Variants in ENO1 observed in about 807,000 individuals in gnomAD.
The protein encoded by ENO1 is alpha-enolase.
A neutral mutation model predicts 46.3 loss-of-function variants in ENO1; 33 were observed. The ratio of observed to expected loss-of-function variants is 0.71; its 90% confidence interval spans 0.54 to 0.95. The LOEUF (loss-of-function observed/expected upper bound fraction) is 0.95. Ranked by LOEUF, ENO1 falls within the 40% of genes least tolerant of loss-of-function variation. The pLI is 0.00. For missense variants in ENO1, 488 were observed against 553.3 expected (o/e 0.88, Z 1.18); for synonymous variants, 220 against 216.0 (o/e 1.02, Z -0.16).
intron 9 of ENO1, 89 bp downstream of exon 9, chr1:8,863,802 C>A: frequency 7.1e-7 from 1 of 1,407,160 alleles, no homozygotes. Flanking sequence ...TTCTGGCCAG[C>A]AGGATTCCCC....
chr1:8,872,085 G>A, intron 2 of ENO1, 99 bp from the exon 3 acceptor site: 1 of 985,690 alleles, frequency 1.0e-6, no homozygotes, highest in Non-Finnish European at 1.6e-6. Flanking sequence ...TCATTAGGGA[G>A]CTGTTTCTTC....
intron 11 of ENO1, among the ~76,000 whole-genome samples, chr1:8,862,068 A>G (rs1642416968): frequency 6.6e-6 from 1 of 152,022 alleles, no homozygotes; most frequent in Non-Finnish European, 1.5e-5. Flanking sequence ...GAATTGCTTG[A>G]ATCTGGGAGG....
chr1:8,871,273 G>C, intron 3 of ENO1: 1 of 1,005,180 alleles, frequency 9.9e-7, no homozygotes. Context: ...GCCCCACTGA[G>C]AATGCGTGAT....
chr1:8,869,018 A>G (rs1389571596), intron 4 of ENO1, among the ~76,000 whole-genome samples: 1 of 152,194 alleles, frequency 6.6e-6, no homozygotes. Context: ...AAACTAATAT[A>G]TTAATAACAA....
chr1:8,863,184 C>G (rs1346744583), intron 10 of ENO1, 51 bp downstream of exon 10: 6 of 1,599,814 alleles, frequency 3.8e-6, no homozygotes, highest in Non-Finnish European at 5.1e-6. Flanking sequence ...GGTTTTGGGT[C>G]TTCCTAGGAA....
chr1:8,867,351 C>T (rs770003428), intron 5 of ENO1, 101 bp from the exon 6 acceptor site: 11 of 1,448,690 alleles, frequency 7.6e-6, no homozygotes, highest in African/African-American at 2.8e-5. Flanking sequence ...CATCTCCTCC[C>T]CCATCACACC....
intron 3 of ENO1, 38 bp downstream of exon 3, chr1:8,871,853 A>C (rs1238143273): frequency 6.2e-7 from 1 of 1,602,446 alleles, no homozygotes; most frequent in African/African-American, 1.3e-5. Context: ...ATGGGGCTGG[A>C]AGCAGGGAGG....
chr1:8,872,119 A>G lies in ENO1; in HGVS notation c.86-133T>C, dbSNP rs549037384. 3.5e-4 allele frequency: 252 copies of G among 711,020 alleles called. 1 individual carries two copies. Among genetic ancestry groups the G allele is most frequent in the Middle Eastern group, 1.7e-3 (7 of 4,216 alleles). The allele number at this position is 711,020 out of a possible 1,614,324, so 44.0% of individuals were successfully genotyped here. On this transcript the variant is annotated intron_variant, in intron 2 of 11. Coordinates refer to ENST00000234590, the MANE Select transcript of ENO1 (RefSeq NM_001428.5). ...TCCTCCTACCAGCTGTGTGAATTAA[A>G]CGCTCTGGGCTGTTCTTCATGCCTT...
intron 8 of ENO1, among the ~76,000 whole-genome samples, chr1:8,864,890 GTC>G (rs1231859653): frequency 6.6e-6 from 1 of 152,192 alleles, no homozygotes; most frequent in Non-Finnish European, 1.5e-5. Context: ...GGTGGTCACA[GTC>G]TCTATCCTGT....
rs1302274309 is a variant in ENO1, at chr1:8,867,922, A to T, written c.310+66T>A. 4.3e-6 allele frequency: 6 copies of T among 1,409,746 alleles called. No individual in the cohort carries two copies. The East Asian group carries it at 1.4e-4, about 32-fold the overall frequency. 87.3% of individuals were successfully genotyped at this position (1,409,746 alleles called of 1,614,324 possible). Reference sequence around the variant, plus strand: ...CTAAGATCATGGGCCTCTTCCTGAAAGGTTTTAAAATCTTCAGGAGACTTC... The same window carrying T: ...CTAAGATCATGGGCCTCTTCCTGAATGGTTTTAAAATCTTCAGGAGACTTC... On this transcript the variant is annotated intron_variant, in intron 5 of 11. Transcript: ENST00000234590.
At position 8,874,840 on chromosome 1, in the gene ENO1, A is replaced by G; in HGVS notation, c.69T>C (p.Asp23=). The change falls in exon 2 of 12, where the codon GAT becomes GAC. Residue 23 remains aspartate, a synonymous_variant. Coordinates refer to ENST00000234590, the MANE Select transcript of ENO1 (RefSeq NM_001428.5). ...DSRGNPTVEV[D]LFTSKGLFRA... ...GGCACATACCTTTTGAGGTGAAGAG[A>G]TCAACCTCAACAGTGGGATTCCCGC... The G allele has an allele frequency of 6.2e-7, 1 of 1,613,658 alleles. No individual in the cohort carries two copies. The highest frequency in any genetic ancestry group is 8.5e-7 in the Non-Finnish European group (1 of 1,179,748).
rs1349134345 is a variant in ENO1, at chr1:8,870,650, T to C, written c.182-140A>G. On this transcript the variant is annotated intron_variant, in intron 3 of 11. Transcript: ENST00000234590. ...GTGGGACCTCTTCCCCCTCTCCCCTTTCCCCCCAGAATCGGAGGACTTTCC... is the reference window on the plus strand; with the variant it reads ...GTGGGACCTCTTCCCCCTCTCCCCTCTCCCCCCAGAATCGGAGGACTTTCC... 15 of 1,503,478 alleles carry C rather than the reference T, an allele frequency of 1.0e-5. No homozygotes were observed. The Admixed American group carries it at 1.0e-4, about 10-fold the overall frequency. 93.1% of individuals were successfully genotyped at this position (1,503,478 alleles called of 1,614,324 possible).
rs1642394156 is a variant in ENO1 at position 8,861,217 on chromosome 1, G to A, written c.*143C>T. ...TGGCTTCTGTAGAAGTTCTAAGGAA[G>A]CGGTACGAACTCCACGGCGGTGGGG... On this transcript the variant is annotated 3_prime_UTR_variant, in exon 12 of 12. Transcript: ENST00000234590. 1.3e-6 allele frequency: 1 copy of A among 758,204 alleles called. No individual in the cohort carries two copies. The highest frequency in any genetic ancestry group is 2.1e-6 in the Non-Finnish European group (1 of 471,040). The allele number at this position is 758,204 out of a possible 1,614,324, so 47.0% of individuals were successfully genotyped here.
At chr1:8,874,178 C>T (rs3820037) in intron 2 of ENO1, among the ~76,000 whole-genome samples, 116,656 of 152,142 alleles carry the variant, frequency 0.77, 45,363 homozygotes, top group East Asian at 0.94. Flanking sequence ...AAGCTGTCAG[C>T]CAACAACTAG....
chr1:8,872,057 C>T (rs549805949), intron 2 of ENO1, 71 bp from the exon 3 acceptor site: 53 of 1,306,106 alleles, frequency 4.1e-5, no homozygotes, highest in Non-Finnish European at 5.5e-5. Context: ...AGTCCCCTCC[C>T]GCCCACAGAT....
intron 9 of ENO1, among the ~76,000 whole-genome samples, chr1:8,863,550 T>C (rs1642448186): frequency 6.6e-6 from 1 of 152,194 alleles, no homozygotes; most frequent in Non-Finnish European, 1.5e-5. Context: ...TTAGCCCTCC[T>C]GTCATAGTTG....
At position 8,863,339 on chromosome 1, in the gene ENO1, T is replaced by C. The variant is rs1642444371; in HGVS notation, c.1072A>G (p.Lys358Glu). 5 of 1,612,440 alleles carry C rather than the reference T, an allele frequency of 3.1e-6. No individual in the cohort carries two copies. The highest frequency in any genetic ancestry group is 4.2e-6 in the Non-Finnish European group (5 of 1,179,362). Residue 358 changes from lysine (K) to glutamate (E), a missense_variant, in exon 10 of 12, where the codon AAG becomes GAG. Lys to Glu is a moderately conservative substitution (Grantham distance 56, BLOSUM62 1). Coordinates refer to ENST00000234590, the MANE Select transcript of ENO1 (RefSeq NM_001428.5). ...CCCCAACCATTGGCCTGGGCCAGCTTGCACCTGGAAGCCAAGGAACAACCC... is the reference window on the plus strand; with the variant it reads ...CCCCAACCATTGGCCTGGGCCAGCTCGCACCTGGAAGCCAAGGAACAACCC... ...GSVTESLQAC[K>E]LAQANGWGVM...
chr1:8,870,851 A>G, intron 3 of ENO1: 1 of 1,329,782 alleles, frequency 7.5e-7, no homozygotes, highest in Non-Finnish European at 9.6e-7. Flanking sequence ...GGTGCCAGGA[A>G]CTCATTAATA....
Position 8,865,391 on chromosome 1 carries a change from C to T in ENO1, c.759G>A (p.Arg253=), listed in dbSNP as rs1247461280. ...GMDVAASEFF[R]SGKYDLDFKS... ...TGAAGTCCAGGTCATACTTCCCAGA[C>T]CTGAAGAACTCGGAGGCCGCTACGT... The change falls in exon 8 of 12, where the codon AGG becomes AGA. Residue 253 remains arginine (R), a synonymous_variant. Coordinates refer to ENST00000234590, the MANE Select transcript of ENO1 (RefSeq NM_001428.5). 1 of 1,614,194 alleles carries T rather than the reference C, an allele frequency of 6.2e-7. No homozygotes were observed. The highest frequency in any genetic ancestry group is 8.5e-7 in the Non-Finnish European group (1 of 1,180,044).
Sources: gnomAD v4.1 joint callset for allele counts (sites outside exome capture counted in the v4.1 genomes callset) on GRCh38, gnomAD v4.1.1 for gene constraint, MANE v1.5 for transcripts, NCBI Gene and HGNC (gene_info 2026-07-23, HGNC 2026-07-21) for gene names.